The following SRP72 variants were observed in gnomAD, a reference collection of about 807,000 sequenced individuals.
SRP72 encodes signal recognition particle subunit SRP72.
Under a neutral mutation model 96.3 loss-of-function variants are expected in SRP72, and 49 were observed. The observed-to-expected ratio is 0.51, with a 90% CI of 0.40 to 0.65. The LOEUF is 0.65. SRP72 is among the 30% of genes least tolerant of loss of function. SRP72 has a pLI of 0.00. For synonymous variants in SRP72, 267 were observed against 275.2 expected (o/e 0.97, Z 0.30); for missense variants, 736 against 793.3 (o/e 0.93, Z 0.87).
At chr4:56,494,564 C>T (rs1179890758) in intron 16 of SRP72, among the ~76,000 whole-genome samples, 2 of 151,964 alleles carry the variant, frequency 1.3e-5, no homozygotes, top group East Asian at 1.9e-4. Flanking sequence ...CTGCCACACC[C>T]AACTAATTTT....
At position 56,471,857 on chromosome 4, in the gene SRP72, T is replaced by G; in HGVS notation, c.354+14T>G. 6.2e-7 allele frequency: 1 copy of G among 1,613,406 alleles called. No homozygotes were observed. The highest frequency in any genetic ancestry group is 1.3e-5 in the African/African-American group (1 of 75,002). ...TATGGACAAGTGGTAATTACTGCTT[T>G]TAAATACATGTTGACAGTGATACTG... is the stretch of plus-strand genomic sequence containing the variant. On this transcript the variant is annotated intron_variant, in intron 3 of 18. Transcript: ENST00000642900.
Position 56,481,825 on chromosome 4 carries a change from G to A in SRP72, c.826-1314G>A, listed in dbSNP as rs1305192514. Among the ~76,000 whole-genome samples the A allele has an allele frequency of 2.7e-5, 4 of 146,798 alleles. No individual in the cohort carries two copies. In the South Asian group the frequency reaches 6.4e-4, roughly 24 times the overall value. On this transcript the variant is annotated intron_variant, in intron 8 of 18. Coordinates refer to ENST00000642900, the MANE Select transcript of SRP72 (RefSeq NM_006947.4). Reference sequence around the variant, plus strand: ...CTCGCTCTCTTGCCCAGGCTGGAGTGCAGTGGTGGGATCTCAGCTCACTGC... The same window carrying A: ...CTCGCTCTCTTGCCCAGGCTGGAGTACAGTGGTGGGATCTCAGCTCACTGC...
intron 12 of SRP72, among the ~76,000 whole-genome samples, chr4:56,488,378 A>G (rs1384076513): frequency 6.6e-6 from 1 of 152,192 alleles, no homozygotes; most frequent in Non-Finnish European, 1.5e-5. Flanking sequence ...TGATTATTCA[A>G]ATATTGCAGG....
chr4:56,478,406 G>C lies in SRP72; in HGVS notation c.670G>C (p.Glu224Gln). The C allele has an allele frequency of 6.2e-7, 1 of 1,611,968 alleles. No individual in the cohort carries two copies. Among genetic ancestry groups the C allele is most frequent in the Non-Finnish European group, 8.5e-7 (1 of 1,179,496 alleles). The change falls in exon 7 of 19, where the codon GAA becomes CAA. Residue 224 changes from glutamate (E) to glutamine (Q), a missense_variant. By Grantham distance (29) the Glu-to-Gln change is conservative. Around this residue, in one of 3 missense-constraint regions of SRP72, gnomAD observed 329 missense variants for 319.0 expected, o/e 1.03. Transcript: ENST00000642900. ...TDGTEEDPQAELAIIHGQMAY... is the reference protein window; with the variant it reads ...TDGTEEDPQAQLAIIHGQMAY... Reference sequence around the variant, plus strand: ...TGGGACTGAGGAAGACCCACAGGCAGAACTGGCCATCATTCATGGTCAGAT... The same window carrying C: ...TGGGACTGAGGAAGACCCACAGGCACAACTGGCCATCATTCATGGTCAGAT...
At position 56,467,754 on chromosome 4, in the gene SRP72, G is replaced by A; in HGVS notation, c.109+10G>A. On this transcript the variant is annotated intron_variant, in intron 1 of 18. Coordinates refer to ENST00000642900, the MANE Select transcript of SRP72 (RefSeq NM_006947.4). The stretch of plus-strand genomic sequence containing the variant: ...AAGACCGTCAATAAGAGTAAGTGTC[G>A]GGGTGGGCACTGGGGCGGGCCCAGG... 2 of 1,504,806 alleles carry A rather than the reference G, an allele frequency of 1.3e-6. No homozygotes were observed. The highest frequency in any genetic ancestry group is 1.8e-6 in the Non-Finnish European group (2 of 1,130,480). The allele number at this position is 1,504,806 out of a possible 1,614,324, so 93.2% of individuals were successfully genotyped here.
chr4:56,500,337 C>T (rs1252943196), intron 17 of SRP72, 199 bp from the exon 18 acceptor site: 9 of 516,138 alleles, frequency 1.7e-5, no homozygotes, highest in South Asian at 5.1e-5. Context: ...GCACGTTCTG[C>T]GCATGTATCC....
intron 17 of SRP72, 148 bp from the exon 18 acceptor site, chr4:56,500,388 C>G: frequency 1.2e-6 from 1 of 823,244 alleles, no homozygotes; most frequent in Non-Finnish European, 1.9e-6. Context: ...AAGACCATTT[C>G]GCCTGCTAGA....
chr4:56,482,143 A>T (rs751319908), intron 8 of SRP72, among the ~76,000 whole-genome samples: 27 of 149,930 alleles, frequency 1.8e-4, no homozygotes, highest in African/African-American at 2.7e-4. Flanking sequence ...AGTATTTTTA[A>T]ATAAAGGTAT....
chr4:56,480,516 T>A (rs1720441162), intron 8 of SRP72, among the ~76,000 whole-genome samples: 1 of 152,122 alleles, frequency 6.6e-6, no homozygotes. Context: ...TGCCTCAGCC[T>A]CCCAAAGTGT....
intron 17 of SRP72, 37 bp downstream of exon 17, chr4:56,495,431 A>G (rs1223228294): frequency 3.7e-6 from 5 of 1,369,346 alleles, no homozygotes; most frequent in African/African-American, 2.9e-5. Context: ...ATTTTCTCCA[A>G]AATAAATGTT....
At chr4:56,493,900 T>C (rs970076905) in intron 16 of SRP72, among the ~76,000 whole-genome samples, 4 of 152,090 alleles carry the variant, frequency 2.6e-5, no homozygotes, top group African/African-American at 7.2e-5. Flanking sequence ...GAAGGAAATA[T>C]ATTTAAACAG....
At chr4:56,472,546 C>T (rs1720019541) in intron 3 of SRP72, among the ~76,000 whole-genome samples, 1 of 151,816 alleles carries the variant, frequency 6.6e-6, no homozygotes, top group Non-Finnish European at 1.5e-5. Flanking sequence ...GGGGTTATGC[C>T]ATGTTGCCTA....
rs541729901 is a variant in SRP72, at chr4:56,489,335, G to A, written c.1225-53G>A. On this transcript the variant is annotated intron_variant, in intron 12 of 18. Transcript: ENST00000642900. ...TTCAGCGTTTTTTATTTTCAAAAGC[G>A]GTATTCTGGGAGTGAAGGGGGAGTT... 68 of 998,452 alleles carry A rather than the reference G, an allele frequency of 6.8e-5. 2 individuals are homozygous for A. The South Asian group carries it at 1.0e-3, about 15-fold the overall frequency. The allele number at this position is 998,452 out of a possible 1,614,324, so 61.8% of individuals were successfully genotyped here. A position where few individuals can be genotyped will look rare whatever the true frequency, so the allele number is the denominator to read the frequency against.
intron 8 of SRP72, among the ~76,000 whole-genome samples, chr4:56,481,391 A>G (rs1300545345): frequency 6.6e-6 from 1 of 152,200 alleles, no homozygotes; most frequent in Admixed American, 6.5e-5. Flanking sequence ...CTCAGGATGC[A>G]ATCAGTGTGA....
intron 16 of SRP72, among the ~76,000 whole-genome samples, chr4:56,495,108 T>C (rs1199534845): frequency 1.3e-5 from 2 of 152,250 alleles, no homozygotes; most frequent in Admixed American, 6.5e-5. Flanking sequence ...CTTTTTTCAG[T>C]GTAAACAGAA....
At chr4:56,493,818 A>G (rs1720988665) in intron 16 of SRP72, among the ~76,000 whole-genome samples, 1 of 152,168 alleles carries the variant, frequency 6.6e-6, no homozygotes, top group Non-Finnish European at 1.5e-5. Context: ...GTGAGCCAAG[A>G]TCTCACCACT....
At chr4:56,501,479 G>C (rs554633363) in intron 18 of SRP72, among the ~76,000 whole-genome samples, 1 of 152,160 alleles carries the variant, frequency 6.6e-6, no homozygotes, top group South Asian at 2.1e-4. Context: ...CTTGGCATGT[G>C]TACCATGTTT....
Position 56,503,539 on chromosome 4 carries a change from C to G in SRP72, c.*1678C>G, listed in dbSNP as rs886059503. 1 of 152,156 alleles carries G rather than the reference C, an allele frequency of 6.6e-6. No individual in the cohort carries two copies. Among genetic ancestry groups the G allele is most frequent in the South Asian group, 2.1e-4 (1 of 4,824 alleles). 9.4% of individuals were successfully genotyped at this position (152,156 alleles called of 1,614,324 possible). A position where few individuals can be genotyped will look rare whatever the true frequency, so the allele number is the denominator to read the frequency against. On this transcript the variant is annotated 3_prime_UTR_variant, in exon 19 of 19. Coordinates refer to ENST00000642900, the MANE Select transcript of SRP72 (RefSeq NM_006947.4). ...CATGAACTTTCTAGAAATATTTCCTCTTTTGGATAGGTCTTTAACCAGTTC... is the reference window on the plus strand; with the variant it reads ...CATGAACTTTCTAGAAATATTTCCTGTTTTGGATAGGTCTTTAACCAGTTC...
chr4:56,498,119 A>G (rs1394928325), intron 17 of SRP72, among the ~76,000 whole-genome samples: 10 of 152,136 alleles, frequency 6.6e-5, no homozygotes. Context: ...GAAGATTTTA[A>G]CATTTTTTTA....
Sources: allele counts gnomAD v4.1 joint callset (sites outside exome capture counted in the v4.1 genomes callset), GRCh38; gene constraint gnomAD v4.1.1; regional missense constraint gnomAD v4.1.1; transcripts MANE v1.5; gene names NCBI Gene and HGNC (gene_info 2026-07-23, HGNC 2026-07-21).